The following CDH12 variants were observed in gnomAD, a reference collection of about 807,000 sequenced individuals.
CDH12 encodes the protein cadherin 12, also known as cadherin-12.
CDH12 carries 41 observed loss-of-function variants against 74.1 expected under a neutral mutation model. The ratio of observed to expected loss-of-function variants is 0.55; its 90% CI spans 0.43 to 0.72. The LOEUF (loss-of-function observed/expected upper bound fraction) is 0.72. Among genes scored for constraint, CDH12 ranks in the 30% least tolerant of loss-of-function variants. The pLI is 0.00. For synonymous variants in CDH12, 399 were observed against 355.0 expected (o/e 1.12, Z -1.39); for missense variants, 945 against 977.2 (o/e 0.97, Z 0.44).
At chr5:22,201,160 A>G (rs1460352039) in intron 4 of CDH12, among the ~76,000 whole-genome samples, 3 of 152,128 alleles carry the variant, frequency 2.0e-5, no homozygotes, top group African/African-American at 4.8e-5. Flanking sequence ...GATTAGGAAA[A>G]AGCAGATATG....
chr5:22,757,284 G>C (rs948545441), intron 1 of CDH12, among the ~76,000 whole-genome samples: 7 of 152,104 alleles, frequency 4.6e-5, no homozygotes, highest in Non-Finnish European at 8.8e-5. Flanking sequence ...AAATGTTTGC[G>C]TTGGTCACAT....
At chr5:21,778,115 A>C (rs955999457) in intron 11 of CDH12, among the ~76,000 whole-genome samples, 2 of 152,194 alleles carry the variant, frequency 1.3e-5, no homozygotes, top group Admixed American at 1.3e-4. Context: ...TAAAATAAAT[A>C]AATGAAACAT....
chr5:22,628,667 C>T (rs1738422530), intron 1 of CDH12, among the ~76,000 whole-genome samples: 1 of 152,038 alleles, frequency 6.6e-6, no homozygotes, highest in African/African-American at 2.4e-5. Context: ...AAATGAACAA[C>T]ATAACATTAC....
At chr5:22,143,257 G>A (rs544297448) in intron 4 of CDH12, 2 of 153,560 alleles carry the variant, frequency 1.3e-5, no homozygotes, top group East Asian at 3.9e-4. Context: ...TAAACCTAAA[G>A]CATATAAGAC....
intron 6 of CDH12, among the ~76,000 whole-genome samples, chr5:21,942,845 G>C (rs1755401109): frequency 6.6e-6 from 1 of 152,138 alleles, no homozygotes; most frequent in Admixed American, 6.6e-5. Flanking sequence ...CTTTTAATGA[G>C]TTGGCATTGA....
At chr5:22,407,594 T>A (rs1018840157) in intron 2 of CDH12, among the ~76,000 whole-genome samples, 1 of 152,062 alleles carries the variant, frequency 6.6e-6, no homozygotes, top group Non-Finnish European at 1.5e-5. Flanking sequence ...TCTTTCCCCA[T>A]GGCTCTCTGC....
chr5:22,701,670 C>T (rs1359208035), intron 1 of CDH12, among the ~76,000 whole-genome samples: 4 of 151,972 alleles, frequency 2.6e-5, no homozygotes, highest in Non-Finnish European at 4.4e-5. Flanking sequence ...TGGGAGGAAC[C>T]TTCTACTCCC....
At chr5:22,347,182 G>C (rs1345762552) in intron 3 of CDH12, among the ~76,000 whole-genome samples, 1 of 152,168 alleles carries the variant, frequency 6.6e-6, no homozygotes, top group African/African-American at 2.4e-5. Context: ...GTTCCTGGGT[G>C]TGTCTGTGAG....
rs1255231429 is a variant in CDH12, at chr5:21,975,385, G to T, written c.232C>A (p.Leu78Ile). ...VGSEPQYVGK[L>I]HSDLDKGEGT... is the part of the protein sequence containing the mutation. ...TCTCCCTTGTCTAAGTCGGAATGGA[G>T]CTTTAGGGAAGAGAAGGAGAGAGAG... The change falls in exon 6 of 15, where the codon CTC becomes ATC. Residue 78 changes from leucine to isoleucine, a missense_variant and splice_region_variant. Transcript: ENST00000382254. 6.3e-7 allele frequency: 1 copy of T among 1,583,060 alleles called. No homozygotes were observed. Among genetic ancestry groups the T allele is most frequent in the Non-Finnish European group, 8.5e-7 (1 of 1,173,666 alleles).
intron 6 of CDH12, among the ~76,000 whole-genome samples, chr5:21,919,250 A>G (rs2150070426): frequency 6.6e-6 from 1 of 152,260 alleles, no homozygotes; most frequent in African/African-American, 2.4e-5. Flanking sequence ...CAACTGAGCC[A>G]TTTTCCTCAT....
intron 1 of CDH12, among the ~76,000 whole-genome samples, chr5:22,849,104 G>A (rs1259830887): frequency 1.3e-5 from 2 of 152,088 alleles, no homozygotes; most frequent in Non-Finnish European, 2.9e-5. Context: ...TCCAGCTGTG[G>A]CTGTAGTTAT....
intron 3 of CDH12, among the ~76,000 whole-genome samples, chr5:22,366,718 T>C (rs950707386): frequency 6.6e-6 from 1 of 152,200 alleles, no homozygotes; most frequent in African/African-American, 2.4e-5. Flanking sequence ...TAAATAAAAT[T>C]CAACTGAATG....
intron 3 of CDH12, among the ~76,000 whole-genome samples, chr5:22,268,673 T>C (rs778265826): frequency 3.9e-5 from 6 of 152,154 alleles, no homozygotes; most frequent in Non-Finnish European, 8.8e-5. Context: ...GTATTCCTTT[T>C]ATTTTTATAA....
intron 2 of CDH12, among the ~76,000 whole-genome samples, chr5:22,469,481 C>G (rs1188425588): frequency 6.6e-6 from 1 of 152,010 alleles, no homozygotes; most frequent in Non-Finnish European, 1.5e-5. Flanking sequence ...TGCATGTGTC[C>G]GAATACCCTC....
At chr5:22,770,174 A>G (rs1746734416) in intron 1 of CDH12, among the ~76,000 whole-genome samples, 1 of 152,022 alleles carries the variant, frequency 6.6e-6, no homozygotes, top group Non-Finnish European at 1.5e-5. Flanking sequence ...TAATTCCAAA[A>G]GAGACTTTTT....
intron 1 of CDH12, among the ~76,000 whole-genome samples, chr5:22,571,728 G>A (rs953244548): frequency 6.6e-6 from 1 of 152,166 alleles, no homozygotes; most frequent in Non-Finnish European, 1.5e-5. Flanking sequence ...TAATGTCAAT[G>A]TTGTTATGTC....
Position 21,846,978 on chromosome 5 carries a change from C to A in CDH12, c.647-4650G>T, listed in dbSNP as rs919522903. Among the ~76,000 whole-genome samples, 5 of 152,178 alleles carry A rather than the reference C, an allele frequency of 3.3e-5. No individual in the cohort carries two copies. In the East Asian group the frequency reaches 7.7e-4, roughly 24 times the overall value. The stretch of plus-strand genomic sequence containing the variant: ...AACAATGGGTAAATGGCTTTATTCT[C>A]CACCCAATGAGGTTTATAGTTCAAA... On this transcript the variant is annotated intron_variant, in intron 7 of 14. Coordinates refer to ENST00000382254, the MANE Select transcript of CDH12 (RefSeq NM_004061.5).
At chr5:22,034,805 A>G (rs1395637789) in intron 5 of CDH12, among the ~76,000 whole-genome samples, 1 of 152,224 alleles carries the variant, frequency 6.6e-6, no homozygotes, top group Non-Finnish European at 1.5e-5. Flanking sequence ...AAATTATTAA[A>G]ACTATATGGG....
chr5:21,772,906 C>T (rs770133470), intron 11 of CDH12, among the ~76,000 whole-genome samples: 49 of 152,058 alleles, frequency 3.2e-4, no homozygotes, highest in Admixed American at 7.9e-4. Context: ...TATAGTTGTA[C>T]ATGTGATTTT....
Sources: gnomAD v4.1 joint callset for allele counts (sites outside exome capture counted in the v4.1 genomes callset) on GRCh38, gnomAD v4.1.1 for gene constraint, MANE v1.5 for transcripts, NCBI Gene and HGNC (gene_info 2026-07-23, HGNC 2026-07-21) for gene names.